GAREM1: variants seen among roughly 807,000 people sequenced by gnomAD.
The protein encoded by GAREM1 is GRB2 associated regulator of MAPK1 subtype 1.
Under a neutral mutation model 71.3 loss-of-function variants are expected in GAREM1, and 26 were observed. That is an observed-to-expected ratio of 0.36 (90% CI 0.27 to 0.51). The LOEUF (loss-of-function observed/expected upper bound fraction) is 0.51, where lower values mean the gene tolerates loss of function less well. Ranked by LOEUF, GAREM1 falls within the 20% of genes least tolerant of loss-of-function variation. The probability of loss-of-function intolerance (pLI) is 0.95; values close to 1 mark genes in which losing one functional copy is unlikely to be tolerated. For missense variants in GAREM1, 1,026 were observed against 1,103.1 expected (o/e 0.93, Z 0.99); for synonymous variants, 440 against 433.2 (o/e 1.02, Z -0.20).
At chr18:32,424,492 G>A (rs1189600707) in intron 1 of GAREM1, among the ~76,000 whole-genome samples, 1 of 152,028 alleles carries the variant, frequency 6.6e-6, no homozygotes, top group Non-Finnish European at 1.5e-5. Context: ...CTATATTCCC[G>A]GTTGCAAATC....
chr18:32,417,957 C>T (rs1380323583), intron 1 of GAREM1, among the ~76,000 whole-genome samples: 5 of 152,100 alleles, frequency 3.3e-5, no homozygotes, highest in Non-Finnish European at 7.4e-5. Context: ...CACTGCATGC[C>T]TGTACCAAAA....
chr18:32,436,652 T>C (rs2048682181), intron 1 of GAREM1, among the ~76,000 whole-genome samples: 1 of 152,224 alleles, frequency 6.6e-6, no homozygotes. Flanking sequence ...TCACCTTATT[T>C]GTACCAACAA....
rs1352601856 is a variant in GAREM1 at position 32,266,768 on chromosome 18, T to G, written c.*1103A>C. 6.6e-6 allele frequency: 1 copy of G among 152,166 alleles called. No individual in the cohort carries two copies. The highest frequency in any genetic ancestry group is 1.9e-4 in the East Asian group (1 of 5,196). 9.4% of individuals were successfully genotyped at this position (152,166 alleles called of 1,614,324 possible). On this transcript the variant is annotated 3_prime_UTR_variant, in exon 6 of 6. Transcript: ENST00000269209. ...CATGAAGTAGGTTGAGAATGCCTAA[T>G]GTACTCTGACAAATGCTCTTCAGAC...
intron 1 of GAREM1, among the ~76,000 whole-genome samples, chr18:32,436,129 C>T (rs564423590): frequency 3.4e-4 from 52 of 152,168 alleles, no homozygotes; most frequent in South Asian, 6.2e-4. Context: ...AGATGGTATA[C>T]GGTAGAACTG....
At chr18:32,468,606 C>A (rs962667706) in intron 1 of GAREM1, among the ~76,000 whole-genome samples, 1 of 152,134 alleles carries the variant, frequency 6.6e-6, no homozygotes, top group African/African-American at 2.4e-5. Flanking sequence ...TGATTCAGAT[C>A]CTTTTTATGA....
intron 2 of GAREM1, among the ~76,000 whole-genome samples, chr18:32,374,897 T>C (rs527319345): frequency 2.6e-5 from 4 of 152,298 alleles, no homozygotes; most frequent in Admixed American, 1.3e-4. Flanking sequence ...AGTGCAGACA[T>C]GGTTCCAATA....
intron 1 of GAREM1, among the ~76,000 whole-genome samples, chr18:32,415,546 C>A (rs2048458540): frequency 1.3e-5 from 2 of 152,034 alleles, no homozygotes; most frequent in African/African-American, 4.8e-5. Context: ...GGATTTATCC[C>A]AGGGATGCAA....
At position 32,470,335 on chromosome 18, in the gene GAREM1, G is replaced by A. The variant is rs754893175; in HGVS notation, c.94C>T (p.Leu32=). The change falls in exon 1 of 6, where the codon CTG becomes TTG. Residue 32 remains leucine (L), a synonymous_variant. Transcript: ENST00000269209. This position sits in a 1 kb window ranked among gnomAD's most constrained non-coding sequence, Gnocchi z 4.4. The stretch of plus-strand genomic sequence containing the variant: ...TTGTCCAGGCGCGCGATCTGGGGCA[G>A]CCGGTAAGTGCTGACCAGGAGGTCG... ...PLDLLVSTYR[L]PQIARLDNGE... is the part of the protein sequence containing the mutation. The A allele has an allele frequency of 6.4e-7, 1 of 1,564,700 alleles. No homozygotes were observed. The highest frequency in any genetic ancestry group is 8.6e-7 in the Non-Finnish European group (1 of 1,158,066).
chr18:32,373,423 T>C (rs2048004848), intron 2 of GAREM1, among the ~76,000 whole-genome samples: 2 of 152,090 alleles, frequency 1.3e-5, no homozygotes, highest in Admixed American at 1.3e-4. Flanking sequence ...CATGAAGGTA[T>C]TTGGGGGTAG....
intron 2 of GAREM1, among the ~76,000 whole-genome samples, chr18:32,380,098 C>T (rs1192145286): frequency 6.6e-6 from 1 of 151,958 alleles, no homozygotes; most frequent in Non-Finnish European, 1.5e-5. Context: ...ATCAGTTTCA[C>T]ACAGTGTGTA....
chr18:32,359,705 C>T (rs769523689), intron 2 of GAREM1, among the ~76,000 whole-genome samples: 3 of 151,864 alleles, frequency 2.0e-5, no homozygotes, highest in African/African-American at 7.3e-5. Context: ...GGGGCTGAGG[C>T]GAGAGGAACA....
At chr18:32,324,585 G>A (rs964808194) in intron 2 of GAREM1, among the ~76,000 whole-genome samples, 22 of 152,214 alleles carry the variant, frequency 1.4e-4, no homozygotes, top group African/African-American at 4.1e-4. Context: ...AGCACACACA[G>A]TATTATCAAA....
intron 2 of GAREM1, among the ~76,000 whole-genome samples, chr18:32,383,920 T>A (rs577775447): frequency 6.6e-6 from 1 of 152,142 alleles, no homozygotes; most frequent in Non-Finnish European, 1.5e-5. Flanking sequence ...ATCAAAGGAC[T>A]CTAAAATTTT....
chr18:32,354,135 G>C (rs112744031), intron 2 of GAREM1, among the ~76,000 whole-genome samples: 116 of 152,276 alleles, frequency 7.6e-4, no homozygotes, highest in African/African-American at 2.6e-3. Flanking sequence ...TTTAGTACCA[G>C]AGGTTGTGGT....
rs1472073035 is a variant in GAREM1 at position 32,287,097 on chromosome 18, C to T, written c.1500G>A (p.Leu500=). ...ATSPLPIPGT[L]GAAVKSSDTA... is the part of the protein sequence containing the mutation. The stretch of plus-strand genomic sequence containing the variant: ...TATCTGAAGACTTCACTGCTGCTCC[C>T]AGAGTCCCAGGGATGGGAAGAGGAG... The change falls in exon 4 of 6, where the codon CTG becomes CTA. Residue 500 remains leucine, a synonymous_variant. Coordinates refer to ENST00000269209, the MANE Select transcript of GAREM1 (RefSeq NM_001242409.2). This position sits in a 1 kb window ranked among gnomAD's most constrained non-coding sequence, Gnocchi z 5.9. The T allele has an allele frequency of 6.2e-7, 1 of 1,614,220 alleles. No homozygotes were observed. Among genetic ancestry groups the T allele is most frequent in the Admixed American group, 1.7e-5 (1 of 60,030 alleles).
intron 1 of GAREM1, among the ~76,000 whole-genome samples, chr18:32,398,618 A>T (rs1019006624): frequency 6.6e-6 from 1 of 152,202 alleles, no homozygotes; most frequent in African/African-American, 2.4e-5. Flanking sequence ...CTAAACCAGG[A>T]AGAAGTTGAA....
At chr18:32,393,197 A>G (rs544885706) in intron 1 of GAREM1, among the ~76,000 whole-genome samples, 162 bp from the exon 2 acceptor site, 1 of 146,746 alleles carries the variant, frequency 6.8e-6, no homozygotes, top group African/African-American at 2.5e-5. Flanking sequence ...TTTTTTTTTT[A>G]AAAAAGGGTA....
At chr18:32,414,938 T>A (rs2144689143) in intron 1 of GAREM1, among the ~76,000 whole-genome samples, 1 of 151,574 alleles carries the variant, frequency 6.6e-6, no homozygotes, top group Non-Finnish European at 1.5e-5. Flanking sequence ...TTTGAAAAGA[T>A]AAACAAAACT....
intron 1 of GAREM1, among the ~76,000 whole-genome samples, chr18:32,428,540 G>A (rs2048595800): frequency 6.6e-6 from 1 of 152,080 alleles, no homozygotes; most frequent in Non-Finnish European, 1.5e-5. Context: ...GCCATGTGAG[G>A]TACCTCACTA....
Sources: allele counts gnomAD v4.1 joint callset (sites outside exome capture counted in the v4.1 genomes callset), GRCh38; gene constraint gnomAD v4.1.1; non-coding constraint Gnocchi (gnomAD v3.1); transcripts MANE v1.5; gene names NCBI Gene and HGNC (gene_info 2026-07-23, HGNC 2026-07-21).